The following FNIP1 variants were observed in gnomAD, a reference collection of about 807,000 sequenced individuals.
FNIP1 encodes the protein folliculin interacting protein 1.
A neutral mutation model predicts 124.5 loss-of-function variants in FNIP1; 40 were observed. The ratio of observed to expected loss-of-function variants is 0.32; its 90% CI spans 0.25 to 0.42. The LOEUF (loss-of-function observed/expected upper bound fraction) is 0.42, where lower values mean the gene tolerates loss of function less well. Ranked by LOEUF, FNIP1 falls within the 10% of genes least tolerant of loss-of-function variation. FNIP1 has a pLI of 1.00. For missense variants in FNIP1, 1,176 were observed against 1,403.7 expected, an observed-to-expected ratio of 0.84 and a Z score of 2.59; for synonymous variants, 472 against 470.6, an observed-to-expected ratio of 1.00 and a Z score of -0.04.
Position 131,644,488 on chromosome 5 carries a change from C to T in FNIP1, c.*197G>A. ...TAATTTCATTTGTTTAAAAATCTACCACCACCCAAAAGTCCAGTCAAAAAG... is the reference window on the plus strand; with the variant it reads ...TAATTTCATTTGTTTAAAAATCTACTACCACCCAAAAGTCCAGTCAAAAAG... On this transcript the variant is annotated 3_prime_UTR_variant, in exon 18 of 18. Transcript: ENST00000510461. 1.2e-5 allele frequency: 5 copies of T among 411,088 alleles called. No homozygotes were observed. Among genetic ancestry groups the T allele is most frequent in the South Asian group, 4.3e-5 (1 of 23,216 alleles). The allele number at this position is 411,088 out of a possible 1,614,324, so 25.5% of individuals were successfully genotyped here. A position where few individuals can be genotyped will look rare whatever the true frequency, so the allele number is the denominator to read the frequency against.
intron 1 of FNIP1, among the ~76,000 whole-genome samples, chr5:131,786,310 C>A (rs114804910): frequency 0.011 from 1,734 of 152,220 alleles, 24 homozygotes; most frequent in African/African-American, 0.039. Context: ...ATAGAACTTA[C>A]AATCTAGTGA....
intron 16 of FNIP1, among the ~76,000 whole-genome samples, chr5:131,649,172 A>G (rs1317191876): frequency 1.3e-5 from 2 of 152,224 alleles, no homozygotes; most frequent in African/African-American, 4.8e-5. Flanking sequence ...GTATAAACGC[A>G]GAAGTGGAAT....
intron 11 of FNIP1, among the ~76,000 whole-genome samples, chr5:131,686,868 GA>G (rs1768292941): frequency 6.6e-6 from 1 of 151,480 alleles, no homozygotes; most frequent in African/African-American, 2.4e-5. Context: ...CTTGGCCCCT[GA>G]ATAAAGTTTA....
intron 1 of FNIP1, among the ~76,000 whole-genome samples, chr5:131,782,190 T>C (rs1217525543): frequency 6.6e-6 from 1 of 151,978 alleles, no homozygotes; most frequent in African/African-American, 2.4e-5. Context: ...AAGAAATACA[T>C]TCTGTAAGGC....
intron 2 of FNIP1, among the ~76,000 whole-genome samples, chr5:131,733,119 G>T (rs1228939491): frequency 2.6e-5 from 4 of 151,998 alleles, no homozygotes; most frequent in Non-Finnish European, 5.9e-5. Context: ...CTCATGATTT[G>T]GCTCTCTGTT....
In FNIP1 at chr5:131,642,977, C is replaced by A. The variant is rs1766762442; in HGVS notation, c.*1708G>T. 6.6e-6 allele frequency: 1 copy of A among 150,676 alleles called. No individual in the cohort carries two copies. The highest frequency in any genetic ancestry group is 2.4e-5 in the African/African-American group (1 of 40,952). 9.3% of individuals were successfully genotyped at this position (150,676 alleles called of 1,614,324 possible). ...CTCATAGAATTCCAAAATCAGACAA[C>A]TGGATAATTTTGTTAATGCACAGAA... On this transcript the variant is annotated 3_prime_UTR_variant, in exon 18 of 18. Coordinates refer to ENST00000510461, the MANE Select transcript of FNIP1 (RefSeq NM_133372.3).
chr5:131,671,780 T>C lies in FNIP1; in HGVS notation c.2664A>G (p.Ile888Met). ...NKQNNEFCKC[I>M]ETVPQDSCKT... ...TACATGAATCTTGGGGAACTGTTTC[T>C]ATACATTTACAAAATTCATTGTTCT... Residue 888 changes from isoleucine (I) to methionine (M), a missense_variant, in exon 14 of 18, where the codon ATA becomes ATG. By Grantham distance (10) the Ile-to-Met change is conservative. Transcript: ENST00000510461. The C allele has an allele frequency of 2.5e-6, 4 of 1,614,128 alleles. No individual in the cohort carries two copies. The highest frequency in any genetic ancestry group is 1.3e-5 in the African/African-American group (1 of 75,064).
rs777376956 is a variant in FNIP1, at chr5:131,672,605, G to A, written c.1839C>T (p.Cys613=). 8.1e-6 allele frequency: 13 copies of A among 1,614,132 alleles called. No individual in the cohort carries two copies. The highest frequency in any genetic ancestry group is 3.3e-5 in the South Asian group (3 of 91,070). The part of the protein sequence containing the change: ...IRTPNCNCKY[C]SHPLLGQNVE... ...CATTTTGCCCAAGGAGTGGATGACT[G>A]CAATATTTACAGTTACAATTGGGAG... Residue 613 remains cysteine (C), a synonymous_variant, in exon 14 of 18, where the codon TGC becomes TGT. Coordinates refer to ENST00000510461, the MANE Select transcript of FNIP1 (RefSeq NM_133372.3).
chr5:131,717,065 C>G (rs916299359), intron 5 of FNIP1, among the ~76,000 whole-genome samples: 1 of 151,702 alleles, frequency 6.6e-6, no homozygotes, highest in South Asian at 2.1e-4. Flanking sequence ...GTATACATGT[C>G]CCATGTTGGT....
At chr5:131,722,765 A>ACCTCCGAGTTCAAGCAATTG (rs1769715672) in intron 3 of FNIP1, among the ~76,000 whole-genome samples, 1 of 152,182 alleles carries the variant, frequency 6.6e-6, no homozygotes, top group South Asian at 2.1e-4. Context: ...GGCTCACTGC[A>ACCTCCGAGTTCAAGCAATTG]ACCTCCGCCT....
At position 131,642,454 on chromosome 5, in the gene FNIP1, C is replaced by G. The variant is rs1766743958; in HGVS notation, c.*2231G>C. 6.6e-6 allele frequency: 1 copy of G among 152,080 alleles called. No homozygotes were observed. The highest frequency in any genetic ancestry group is 6.6e-5 in the Admixed American group (1 of 15,252). 9.4% of individuals were successfully genotyped at this position (152,080 alleles called of 1,614,324 possible). A position where few individuals can be genotyped will look rare whatever the true frequency, so the allele number is the denominator to read the frequency against. ...TTAGGAACAACAATAGCATGAGCCA[C>G]CCACTTATTGAGGACTAGAATTTCT... On this transcript the variant is annotated 3_prime_UTR_variant, in exon 18 of 18. Coordinates refer to ENST00000510461, the MANE Select transcript of FNIP1 (RefSeq NM_133372.3).
At chr5:131,783,809 T>C (rs1277382615) in intron 1 of FNIP1, among the ~76,000 whole-genome samples, 1 of 151,878 alleles carries the variant, frequency 6.6e-6, no homozygotes, top group Non-Finnish European at 1.5e-5. Flanking sequence ...TGAATCTCAA[T>C]CTAGAATTGT....
rs1766750882 is a variant in FNIP1 at position 131,642,689 on chromosome 5, T to C, written c.*1996A>G. 1 of 151,684 alleles carries C rather than the reference T, an allele frequency of 6.6e-6. No homozygotes were observed. Among genetic ancestry groups the C allele is most frequent in the Non-Finnish European group, 1.5e-5 (1 of 68,016 alleles). The allele number at this position is 151,684 out of a possible 1,614,324, so 9.4% of individuals were successfully genotyped here. A position where few individuals can be genotyped will look rare whatever the true frequency, so the allele number is the denominator to read the frequency against. ...GTTCAAGACCAGCCTGACCAACACA[T>C]GGTGAAATCTCATCTCTACTAAAAA... On this transcript the variant is annotated 3_prime_UTR_variant, in exon 18 of 18. Transcript: ENST00000510461.
chr5:131,763,591 T>C (rs1274067058), intron 1 of FNIP1, among the ~76,000 whole-genome samples: 2 of 151,928 alleles, frequency 1.3e-5, no homozygotes, highest in Non-Finnish European at 2.9e-5. Context: ...GGGGAGGTGC[T>C]ACACAGTTTT....
chr5:131,715,197 C>A (rs1769427164), intron 6 of FNIP1, among the ~76,000 whole-genome samples: 1 of 152,050 alleles, frequency 6.6e-6, no homozygotes, highest in Admixed American at 6.5e-5. Flanking sequence ...AAAATGAATT[C>A]CTTTTGGCTG....
chr5:131,718,842 G>A, intron 5 of FNIP1, 144 bp downstream of exon 5: 1 of 565,690 alleles, frequency 1.8e-6, no homozygotes. Flanking sequence ...TCAATTAAGA[G>A]TGAAATCTGG....
chr5:131,708,679 C>T (rs1769194035), intron 8 of FNIP1, among the ~76,000 whole-genome samples: 1 of 151,974 alleles, frequency 6.6e-6, no homozygotes, highest in Non-Finnish European at 1.5e-5. Flanking sequence ...CAGTAGACTC[C>T]ATACATCTGT....
At position 131,790,066 on chromosome 5, in the gene FNIP1, C is replaced by T. The variant is rs184057467; in HGVS notation, c.92+6764G>A. 4.8e-3 allele frequency among the ~76,000 whole-genome samples: 726 copies of T among 152,314 alleles called. 4 individuals carry two copies. Among genetic ancestry groups the T allele is most frequent in the African/African-American group, 0.017 (688 of 41,580 alleles). ...CAGAACTTTTGACCCTCTCCCTCTG[C>T]CCTTAAAATTGTTATTTCATTTATT... is the stretch of plus-strand genomic sequence containing the variant. On this transcript the variant is annotated intron_variant, in intron 1 of 17. Transcript: ENST00000510461.
chr5:131,735,823 G>A (rs2149554188), intron 2 of FNIP1, among the ~76,000 whole-genome samples: 1 of 151,600 alleles, frequency 6.6e-6, no homozygotes, highest in African/African-American at 2.4e-5. Context: ...GTGTGTGTGT[G>A]TGTGTGTATT....
Sources: gnomAD v4.1 joint callset for allele counts (sites outside exome capture counted in the v4.1 genomes callset) on GRCh38, gnomAD v4.1.1 for gene constraint, MANE v1.5 for transcripts, NCBI Gene and HGNC (gene_info 2026-07-23, HGNC 2026-07-21) for gene names.